The following TTK variants were observed in gnomAD, a reference collection of about 807,000 sequenced individuals.
TTK encodes TTK protein kinase.
A neutral mutation model predicts 117.3 loss-of-function variants in TTK; 59 were observed. The observed-to-expected ratio is 0.50, with a 90% CI of 0.41 to 0.62. TTK has a LOEUF of 0.62. TTK is among the 20% of genes least tolerant of loss of function. The pLI is 0.00. For missense variants in TTK, 921 were observed against 989.4 expected, an observed-to-expected ratio of 0.93 and a Z score of 0.93; for synonymous variants, 302 against 325.0, an observed-to-expected ratio of 0.93 and a Z score of 0.76.
At chr6:80,017,672 G>A (rs1184136032) in intron 10 of TTK, among the ~76,000 whole-genome samples, 1 of 151,992 alleles carries the variant, frequency 6.6e-6, no homozygotes, top group East Asian at 1.9e-4. Context: ...GGCTATTCCT[G>A]GCCTTTGGAT....
intron 14 of TTK, among the ~76,000 whole-genome samples, chr6:80,033,747 A>T (rs952846247): frequency 2.1e-5 from 3 of 142,010 alleles, no homozygotes; most frequent in African/African-American, 7.3e-5. Context: ...TACCAAAAAT[A>T]AGGTATGTGC....
At chr6:80,019,115 G>T (rs1275629410) in intron 10 of TTK, among the ~76,000 whole-genome samples, 1 of 152,188 alleles carries the variant, frequency 6.6e-6, no homozygotes, top group Non-Finnish European at 1.5e-5. Context: ...CCATTATAAT[G>T]AAAGGAGTGG....
At chr6:80,024,409 G>A (rs1767550055) in intron 11 of TTK, among the ~76,000 whole-genome samples, 1 of 152,168 alleles carries the variant, frequency 6.6e-6, no homozygotes, top group Admixed American at 6.5e-5. Flanking sequence ...ACAATGGAAT[G>A]TTAATCAACA....
At chr6:80,034,239 G>T (rs1175547221) in intron 14 of TTK, among the ~76,000 whole-genome samples, 1 of 152,086 alleles carries the variant, frequency 6.6e-6, no homozygotes, top group Non-Finnish European at 1.5e-5. Flanking sequence ...AGAGTATCTA[G>T]AACAGTCATG....
Position 80,009,181 on chromosome 6 carries a change from C to A in TTK, c.469+689C>A, listed in dbSNP as rs555703504. Among the ~76,000 whole-genome samples the A allele has an allele frequency of 4.6e-5, 7 of 152,094 alleles. No homozygotes were observed. In the East Asian group the frequency reaches 1.4e-3, roughly 29 times the overall value. On this transcript the variant is annotated intron_variant, in intron 4 of 21. Transcript: ENST00000369798. ...TGCCCTCTGGCCAGGTGTTTCCATTCTCCCACTGCCTTGTTTCTGCTACAA... is the reference window on the plus strand; with the variant it reads ...TGCCCTCTGGCCAGGTGTTTCCATTATCCCACTGCCTTGTTTCTGCTACAA...
At position 80,040,232 on chromosome 6, in the gene TTK, A is replaced by G. The variant is rs200871965; in HGVS notation, c.2344A>G (p.Ile782Val). 3 of 1,592,648 alleles carry G rather than the reference A, an allele frequency of 1.9e-6. No individual in the cohort carries two copies. Among genetic ancestry groups the G allele is most frequent in the Non-Finnish European group, 2.6e-6 (3 of 1,170,466 alleles). Reference protein sequence around the residue: ...LKRDPKQRISIPELLAHPYVQ... With the variant: ...LKRDPKQRISVPELLAHPYVQ... ...AAGGGACCCAAAACAGAGGATATCC[A>G]TTCCTGAGCTCCTGGCTCATCCATA... Residue 782 changes from isoleucine (I) to valine (V), a missense_variant, in exon 20 of 22, where the codon ATT (isoleucine) becomes GTT (valine). Physicochemically the swap from Ile to Val is conservative, Grantham distance 29. Transcript: ENST00000369798.
chr6:80,013,420 C>T, intron 9 of TTK, 54 bp downstream of exon 9: 1 of 1,423,640 alleles, frequency 7.0e-7, no homozygotes, highest in Non-Finnish European at 9.7e-7. Context: ...CTGGGAGGAT[C>T]AGTATTCATG....
intron 5 of TTK, 30 bp downstream of exon 5, chr6:80,010,987 G>A (rs1167568284): frequency 3.2e-6 from 5 of 1,581,028 alleles, no homozygotes; most frequent in East Asian, 2.2e-5. Context: ...AATACTTTCT[G>A]TGGTAGGTAG....
rs3799496 is a variant in TTK at position 80,009,746 on chromosome 6, T to C, written c.470-1068T>C. Among the ~76,000 whole-genome samples the C allele has an allele frequency of 2.4e-3, 364 of 152,152 alleles. 11 individuals carry two copies. The East Asian group carries it at 0.059, about 25-fold the overall frequency. The stretch of plus-strand genomic sequence containing the variant: ...TGCAGTGTGGTCAAATTATGATTAT[T>C]TTGAGCACAGTTGATGGCTTGGCTG... On this transcript the variant is annotated intron_variant, in intron 4 of 21. Coordinates refer to ENST00000369798, the MANE Select transcript of TTK (RefSeq NM_003318.5).
chr6:80,041,603 T>G (rs1197920066), intron 21 of TTK, among the ~76,000 whole-genome samples: 1 of 151,582 alleles, frequency 6.6e-6, no homozygotes, highest in African/African-American at 2.4e-5. Flanking sequence ...TAACTGAAGT[T>G]GTATGTTCCT....
chr6:80,028,126 T>A (rs1458228776), intron 13 of TTK, 115 bp downstream of exon 13: 18 of 1,183,852 alleles, frequency 1.5e-5, no homozygotes, highest in Non-Finnish European at 2.0e-5. Context: ...CATTCTTATT[T>A]CCACTAGACA....
In TTK at chr6:80,007,991, A is replaced by ACAC; in HGVS notation, c.322_323insCAC (p.Ser108delinsThrArg). The ACAC allele has an allele frequency of 1.5e-4, 237 of 1,590,874 alleles. No individual in the cohort carries two copies. Among genetic ancestry groups the ACAC allele is most frequent in the Non-Finnish European group, 1.8e-4 (211 of 1,159,348 alleles). ...CCCAGATAAATATGGCCAAAATGAG[A>ACAC]GTTTTGCTAGAATTCAAGTGAGATT... On this transcript the variant is annotated protein_altering_variant, in exon 3 of 22. Coordinates refer to ENST00000369798, the MANE Select transcript of TTK (RefSeq NM_003318.5).
chr6:80,021,239 G>C (rs1328533045), intron 10 of TTK, among the ~76,000 whole-genome samples: 1 of 152,202 alleles, frequency 6.6e-6, no homozygotes, highest in East Asian at 1.9e-4. Flanking sequence ...GGTCTCCCTA[G>C]CTGCTGGGAG....
Position 80,007,928 on chromosome 6 carries a change from T to C in TTK, c.259T>C (p.Leu87=). ...VPLSDALLNK[L]IGRYSQAIEA... ...GCTAAGTGATGCTCTTTTAAATAAA[T>C]TGATTGGTCGTTACAGTCAAGCAAT... Residue 87 remains leucine, a synonymous_variant, in exon 3 of 22, where the codon TTG becomes CTG. Transcript: ENST00000369798. 1.2e-6 allele frequency: 2 copies of C among 1,613,638 alleles called. No homozygotes were observed. The highest frequency in any genetic ancestry group is 2.2e-5 in the South Asian group (2 of 91,070).
At chr6:80,006,118 T>C in intron 2 of TTK, 136 bp downstream of exon 2, 1 of 1,237,500 alleles carries the variant, frequency 8.1e-7, no homozygotes, top group Non-Finnish European at 1.1e-6. Flanking sequence ...GCAGGCTACA[T>C]GATGGCAGGG....
chr6:80,014,608 G>C (rs374539810), intron 10 of TTK, 22 bp downstream of exon 10: 2 of 1,571,948 alleles, frequency 1.3e-6, no homozygotes, highest in South Asian at 1.2e-5. Flanking sequence ...AAAATCAGTA[G>C]ACTTGTATGT....
intron 21 of TTK, among the ~76,000 whole-genome samples, chr6:80,041,043 C>T (rs1768037157): frequency 6.6e-6 from 1 of 151,714 alleles, no homozygotes; most frequent in Admixed American, 6.6e-5. Context: ...TTCCTTTTAG[C>T]CAGTTTTTTC....
chr6:80,013,635 A>G (rs1489850069), intron 9 of TTK: 1 of 229,098 alleles, frequency 4.4e-6, no homozygotes, highest in African/African-American at 2.3e-5. Context: ...GTTTAAGCAG[A>G]TAGTTGGCCT....
chr6:80,008,332 A>G, intron 3 of TTK, 54 bp from the exon 4 acceptor site: 1 of 1,538,746 alleles, frequency 6.5e-7, no homozygotes, highest in South Asian at 1.2e-5. Flanking sequence ...GCATTATCAA[A>G]TTTAAGTAGC....
Sources: gnomAD v4.1 joint callset for allele counts (sites outside exome capture counted in the v4.1 genomes callset) on GRCh38, gnomAD v4.1.1 for gene constraint, MANE v1.5 for transcripts, NCBI Gene and HGNC (gene_info 2026-07-23, HGNC 2026-07-21) for gene names.